The following PDE10A variants were observed in gnomAD, a reference collection of about 807,000 sequenced individuals.
PDE10A encodes the protein cAMP and cAMP-inhibited cGMP 3',5'-cyclic phosphodiesterase 10A.
In PDE10A, 39 loss-of-function variants were observed where a neutral mutation model predicts 97.7. That is an observed-to-expected ratio of 0.40 (90% CI 0.31 to 0.52). The LOEUF (loss-of-function observed/expected upper bound fraction) is 0.52. Ranked by LOEUF, PDE10A falls within the 20% of genes least tolerant of loss-of-function variation. PDE10A has a pLI of 0.56. For missense variants in PDE10A, 731 were observed against 1,047.8 expected (o/e 0.70, Z 4.17); for synonymous variants, 371 against 376.8 (o/e 0.98, Z 0.18).
intron 1 of PDE10A, among the ~76,000 whole-genome samples, chr6:165,765,324 TGTAGAGCAGGGGGCGGC>T (rs1777806016): frequency 2.6e-5 from 4 of 152,200 alleles, no homozygotes; most frequent in Admixed American, 6.5e-5. Flanking sequence ...GACTGGGCGC[TGTAGAGCAGGGGGCGGC>T]GCTCCTCGGG....
intron 1 of PDE10A, among the ~76,000 whole-genome samples, chr6:165,841,195 T>C (rs773743800): frequency 6.6e-6 from 1 of 152,206 alleles, no homozygotes; most frequent in Non-Finnish European, 1.5e-5. Context: ...TTTAATCTTG[T>C]TTGTCTAGCT....
At chr6:165,627,192 T>C (rs1273167727) in intron 1 of PDE10A, among the ~76,000 whole-genome samples, 1 of 152,230 alleles carries the variant, frequency 6.6e-6, no homozygotes, top group Non-Finnish European at 1.5e-5. Flanking sequence ...ATACAAAACA[T>C]TAACTATTTG....
In PDE10A at chr6:165,541,765, C is replaced by T. The variant is rs76021140; in HGVS notation, c.994+1675G>A. Among the ~76,000 whole-genome samples the T allele has an allele frequency of 4.9e-3, 753 of 152,220 alleles. 8 individuals carry two copies. Among genetic ancestry groups the T allele is most frequent in the African/African-American group, 0.017 (726 of 41,550 alleles). Reference sequence around the variant, plus strand: ...TTAAGGTTAGTCTTGATATTAAATGCCAAGATTGAGAAGACAATGCCTGTT... The same window carrying T: ...TTAAGGTTAGTCTTGATATTAAATGTCAAGATTGAGAAGACAATGCCTGTT... On this transcript the variant is annotated intron_variant, in intron 2 of 21. Coordinates refer to ENST00000539869, the MANE Select transcript of PDE10A (RefSeq NM_001385079.1).
intron 5 of PDE10A, among the ~76,000 whole-genome samples, chr6:165,439,462 C>T (rs548044250): frequency 1.3e-5 from 2 of 152,312 alleles, no homozygotes; most frequent in African/African-American, 4.8e-5. Flanking sequence ...AGGATATCTA[C>T]TCGACCAAAG....
At chr6:165,799,049 G>A (rs761193950) in intron 1 of PDE10A, among the ~76,000 whole-genome samples, 2 of 152,148 alleles carry the variant, frequency 1.3e-5, no homozygotes, top group Non-Finnish European at 2.9e-5. Context: ...ATGAAGATGC[G>A]ATTATTAATG....
chr6:165,430,478 T>C (rs973098653), intron 8 of PDE10A, 133 bp from the exon 9 acceptor site: 3 of 573,632 alleles, frequency 5.2e-6, no homozygotes, highest in East Asian at 2.9e-5. Context: ...GTAATAATAA[T>C]ATCAATAACC....
intron 1 of PDE10A, among the ~76,000 whole-genome samples, chr6:165,873,526 C>T (rs1462285876): frequency 1.3e-5 from 2 of 152,062 alleles, no homozygotes; most frequent in South Asian, 2.1e-4. Flanking sequence ...CAACTTTCTC[C>T]GCAAGAGAGC....
chr6:165,376,985 G>A (rs548604881), intron 18 of PDE10A, among the ~76,000 whole-genome samples: 1 of 152,180 alleles, frequency 6.6e-6, no homozygotes, highest in South Asian at 2.1e-4. Context: ...CCACCACCCT[G>A]GTCAGAAGCC....
chr6:165,372,218 T>C (rs1490599503), intron 18 of PDE10A, among the ~76,000 whole-genome samples: 202 of 148,010 alleles, frequency 1.4e-3, no homozygotes, highest in African/African-American at 4.8e-3. Context: ...GTGTTGGAAG[T>C]TCTGGCCAGG....
At chr6:165,833,340 T>C (rs1779977712) in intron 1 of PDE10A, among the ~76,000 whole-genome samples, 1 of 152,216 alleles carries the variant, frequency 6.6e-6, no homozygotes, top group African/African-American at 2.4e-5. Flanking sequence ...CACATTTATC[T>C]TCATTAAGTC....
intron 1 of PDE10A, among the ~76,000 whole-genome samples, chr6:165,854,458 G>GCCCC (rs1055690445): frequency 1.3e-5 from 2 of 152,174 alleles, no homozygotes; most frequent in African/African-American, 4.8e-5. Context: ...TCTGCTGCGA[G>GCCCC]CCCCCAGGAC....
intron 1 of PDE10A, among the ~76,000 whole-genome samples, chr6:165,979,942 CTACT>C (rs1326121177): frequency 2.6e-5 from 4 of 152,198 alleles, no homozygotes; most frequent in African/African-American, 9.7e-5. Context: ...TTCTCTGTCA[CTACT>C]TAAATTCCTC....
chr6:165,524,640 G>A (rs563750079), intron 2 of PDE10A, among the ~76,000 whole-genome samples: 22 of 145,056 alleles, frequency 1.5e-4, no homozygotes, highest in African/African-American at 4.3e-4. Flanking sequence ...CAGATACAAA[G>A]CCTCAAATCT....
At chr6:165,706,806 G>A (rs1471362511) in intron 1 of PDE10A, among the ~76,000 whole-genome samples, 5 of 152,052 alleles carry the variant, frequency 3.3e-5, no homozygotes, top group Non-Finnish European at 7.4e-5. Flanking sequence ...ACAGATTTAC[G>A]TGGTTTCATT....
At chr6:165,369,681 C>T (rs1480091889) in intron 18 of PDE10A, among the ~76,000 whole-genome samples, 1 of 138,788 alleles carries the variant, frequency 7.2e-6, no homozygotes, top group Admixed American at 7.2e-5. Flanking sequence ...AGAACTTCCC[C>T]AACCTAGCAA....
intron 1 of PDE10A, among the ~76,000 whole-genome samples, chr6:165,705,004 C>T (rs1244324816): frequency 1.3e-5 from 2 of 152,218 alleles, no homozygotes; most frequent in Non-Finnish European, 2.9e-5. Context: ...TCACTGCAGA[C>T]CCTGCTGTCC....
rs1421326017 is a variant in PDE10A, at chr6:165,974,251, T to TAC, written c.-615+13276_-615+13277dup. On this transcript the variant is annotated intron_variant, in intron 1 of 19. Transcript: ENST00000366882. ...CATCAGAAAATGGTCATGGGCCTTC[T>TAC]ACACAAATAGTGACTCCAACGACTG... Among the ~76,000 whole-genome samples, 9 of 152,378 alleles carry TAC rather than the reference T, an allele frequency of 5.9e-5. No homozygotes were observed. In the East Asian group the frequency reaches 1.3e-3, roughly 23 times the overall value.
At chr6:165,985,581 G>A (rs1785167160) in intron 1 of PDE10A, among the ~76,000 whole-genome samples, 1 of 152,162 alleles carries the variant, frequency 6.6e-6, no homozygotes, top group South Asian at 2.1e-4. Flanking sequence ...ACATGACGCA[G>A]CCCTAAGCAT....
intron 1 of PDE10A, among the ~76,000 whole-genome samples, chr6:165,960,279 T>C (rs751258064): frequency 4.6e-5 from 7 of 152,176 alleles, no homozygotes; most frequent in Non-Finnish European, 7.3e-5. Flanking sequence ...GTGATAGTTG[T>C]TACAAAGGAA....
Sources: allele counts gnomAD v4.1 joint callset (sites outside exome capture counted in the v4.1 genomes callset), GRCh38; gene constraint gnomAD v4.1.1; transcripts MANE v1.5; gene names NCBI Gene and HGNC (gene_info 2026-07-23, HGNC 2026-07-21).